The following PBX3 variants were observed in gnomAD, a reference collection of about 807,000 sequenced individuals.
PBX3 encodes the protein pre-B-cell leukemia transcription factor 3.
Under a neutral mutation model 48.5 loss-of-function variants are expected in PBX3, and 14 were observed. The observed-to-expected ratio is 0.29, with a 90% CI of 0.19 to 0.45. The LOEUF (loss-of-function observed/expected upper bound fraction) is 0.45. Ranked by LOEUF, PBX3 falls within the 20% of genes least tolerant of loss-of-function variation. The pLI, the probability that PBX3 is intolerant of heterozygous loss-of-function variation, is 1.00. For missense variants in PBX3, 386 were observed against 546.7 expected (o/e 0.71, Z 2.93); for synonymous variants, 210 against 200.3 (o/e 1.05, Z -0.41).
intron 2 of PBX3, among the ~76,000 whole-genome samples, chr9:125,879,956 A>G (rs955940194): frequency 1.3e-5 from 2 of 152,220 alleles, no homozygotes; most frequent in Admixed American, 6.5e-5. Flanking sequence ...ACCAGACTTC[A>G]GGTAATATAC....
intron 2 of PBX3, among the ~76,000 whole-genome samples, chr9:125,808,442 G>A (rs1838191678): frequency 6.6e-6 from 1 of 152,180 alleles, no homozygotes; most frequent in Non-Finnish European, 1.5e-5. Flanking sequence ...TTGGAAGGCT[G>A]AGGTGTGAGG....
chr9:125,885,493 T>G (rs1840477001), intron 2 of PBX3, among the ~76,000 whole-genome samples: 1 of 152,148 alleles, frequency 6.6e-6, no homozygotes, highest in Non-Finnish European at 1.5e-5. Flanking sequence ...ATAATGGTCT[T>G]GATTTTATAA....
intron 2 of PBX3, among the ~76,000 whole-genome samples, chr9:125,810,730 A>G (rs981397357): frequency 1.3e-5 from 2 of 152,132 alleles, no homozygotes; most frequent in African/African-American, 4.8e-5. Context: ...GGCATATGAC[A>G]CAGAGCCAGC....
At chr9:125,751,377 G>A (rs1836370571) in intron 2 of PBX3, among the ~76,000 whole-genome samples, 1 of 152,200 alleles carries the variant, frequency 6.6e-6, no homozygotes, top group African/African-American at 2.4e-5. Flanking sequence ...ATCAGGCAGT[G>A]AACACTGCCA....
chr9:125,808,107 A>G (rs894260686), intron 2 of PBX3, among the ~76,000 whole-genome samples: 1 of 152,174 alleles, frequency 6.6e-6, no homozygotes, highest in Non-Finnish European at 1.5e-5. Flanking sequence ...AAACTAGGAG[A>G]TTCTGGATGG....
chr9:125,951,038 G>A (rs944949011), intron 5 of PBX3, among the ~76,000 whole-genome samples: 1 of 152,166 alleles, frequency 6.6e-6, no homozygotes, highest in Non-Finnish European at 1.5e-5. Flanking sequence ...CCTTAGGCAA[G>A]TTACATAAAC....
At chr9:125,748,157 GCCGAGCT>G (rs2131936332) in intron 1 of PBX3, 2 of 812,586 alleles carry the variant, frequency 2.5e-6, no homozygotes, top group South Asian at 1.1e-4. Context: ...TGCAAACTTT[GCCGAGCT>G]GTCACCCTCC....
Position 125,915,934 on chromosome 9 carries a change from A to G in PBX3, c.516+7A>G. The G allele has an allele frequency of 6.2e-7, 1 of 1,611,286 alleles. No individual in the cohort carries two copies. Among genetic ancestry groups the G allele is most frequent in the African/African-American group, 1.3e-5 (1 of 75,034 alleles). ...ACTGGAGAAATATGAACAGGTCAGC[A>G]GCCGCCACTCTCATAGTCCTACACA... On this transcript the variant is annotated splice_region_variant and intron_variant, in intron 3 of 8. Transcript: ENST00000373489.
At chr9:125,931,760 T>C (rs984594383) in intron 4 of PBX3, among the ~76,000 whole-genome samples, 4 of 152,230 alleles carry the variant, frequency 2.6e-5, no homozygotes, top group African/African-American at 9.6e-5. Context: ...CATAACATTC[T>C]ATTTAATAAT....
intron 5 of PBX3, among the ~76,000 whole-genome samples, chr9:125,950,156 T>G (rs1842162309): frequency 6.6e-6 from 1 of 152,264 alleles, no homozygotes; most frequent in Non-Finnish European, 1.5e-5. Context: ...AGCTGAACAG[T>G]GTCATCCATT....
At chr9:125,948,665 G>A (rs1432157768) in intron 5 of PBX3, among the ~76,000 whole-genome samples, 1 of 151,558 alleles carries the variant, frequency 6.6e-6, no homozygotes, top group Non-Finnish European at 1.5e-5. Flanking sequence ...GTGTATGTAT[G>A]TATATACTGT....
intron 2 of PBX3, among the ~76,000 whole-genome samples, chr9:125,802,096 T>C (rs1837967411): frequency 6.6e-6 from 1 of 152,108 alleles, no homozygotes; most frequent in African/African-American, 2.4e-5. Context: ...TTATTTTTAT[T>C]CCTAATTTTA....
intron 4 of PBX3, among the ~76,000 whole-genome samples, chr9:125,932,782 A>G (rs753422061): frequency 1.3e-5 from 2 of 152,206 alleles, no homozygotes; most frequent in Non-Finnish European, 2.9e-5. Context: ...AACTGCATTC[A>G]TAATGTATAC....
chr9:125,771,528 A>G (rs1311605526), intron 2 of PBX3, among the ~76,000 whole-genome samples: 3 of 152,182 alleles, frequency 2.0e-5, no homozygotes, highest in Non-Finnish European at 2.9e-5. Flanking sequence ...TCCCATTAAA[A>G]TGGTGCAAAT....
chr9:125,928,280 G>C (rs1002963096), intron 3 of PBX3, among the ~76,000 whole-genome samples: 1 of 152,070 alleles, frequency 6.6e-6, no homozygotes, highest in South Asian at 2.1e-4. Flanking sequence ...TTGGGAAGCT[G>C]AGATGGGAGG....
chr9:125,780,695 C>T (rs1439354273), intron 2 of PBX3, among the ~76,000 whole-genome samples: 1 of 118,686 alleles, frequency 8.4e-6, no homozygotes, highest in Admixed American at 8.6e-5. Flanking sequence ...GGGGGGCTGA[C>T]CACCCCCACC....
At chr9:125,874,488 CTT>C in intron 2 of PBX3, among the ~76,000 whole-genome samples, 1 of 152,128 alleles carries the variant, frequency 6.6e-6, no homozygotes, top group Non-Finnish European at 1.5e-5. Flanking sequence ...TATGGTTCAG[CTT>C]ATGTCATTAA....
chr9:125,858,183 G>A (rs970297003), intron 2 of PBX3, among the ~76,000 whole-genome samples: 1 of 152,142 alleles, frequency 6.6e-6, no homozygotes, highest in Non-Finnish European at 1.5e-5. Flanking sequence ...GGGCAATATA[G>A]GGAGACCCCA....
At chr9:125,755,291 G>A (rs2131958363) in intron 2 of PBX3, among the ~76,000 whole-genome samples, 1 of 152,066 alleles carries the variant, frequency 6.6e-6, no homozygotes, top group Non-Finnish European at 1.5e-5. Context: ...TAGAACAAAT[G>A]GTTGCATATA....
Sources: gnomAD v4.1 joint callset for allele counts (sites outside exome capture counted in the v4.1 genomes callset) on GRCh38, gnomAD v4.1.1 for gene constraint, MANE v1.5 for transcripts, NCBI Gene and HGNC (gene_info 2026-07-23, HGNC 2026-07-21) for gene names.